Variants in COQ10B observed in about 807,000 individuals in gnomAD.
COQ10B encodes the protein coenzyme Q10B, also known as coenzyme Q-binding protein COQ10 homolog B, mitochondrial.
Under a neutral mutation model 27.6 loss-of-function variants are expected in COQ10B, and 12 were observed. The observed-to-expected ratio is 0.43, with a 90% confidence interval of 0.28 to 0.70. The LOEUF (loss-of-function observed/expected upper bound fraction) is 0.70. Among genes scored for constraint, COQ10B ranks in the 30% least tolerant of loss-of-function variants. The pLI is 0.17. For missense variants in COQ10B, 278 were observed against 288.7 expected (o/e 0.96, Z 0.27); for synonymous variants, 115 against 103.0 (o/e 1.12, Z -0.71).
At chr2:197,465,910 G>A (rs1422948794) in intron 3 of COQ10B, among the ~76,000 whole-genome samples, 4 of 152,056 alleles carry the variant, frequency 2.6e-5, no homozygotes, top group South Asian at 2.1e-4. Flanking sequence ...TGGCCAACAC[G>A]GTGAAACCCC....
chr2:197,453,719 G>A (rs554188394), intron 1 of COQ10B, 55 bp downstream of exon 1: 2 of 1,448,900 alleles, frequency 1.4e-6, no homozygotes, highest in Non-Finnish European at 1.9e-6. Context: ...TGGCTGCCGA[G>A]TTGGGGGACC....
chr2:197,468,285 GA>G (rs907825403), intron 3 of COQ10B, among the ~76,000 whole-genome samples: 47 of 151,134 alleles, frequency 3.1e-4, no homozygotes, highest in Non-Finnish European at 6.2e-4. Flanking sequence ...GTAAAAATAC[GA>G]AAAAAAATTA....
intron 3 of COQ10B, among the ~76,000 whole-genome samples, chr2:197,465,490 C>G (rs1340262256): frequency 6.6e-6 from 1 of 151,990 alleles, no homozygotes; most frequent in African/African-American, 2.4e-5. Flanking sequence ...CGGGGTTTCT[C>G]CATATTGGCC....
In COQ10B at chr2:197,474,343, A is replaced by C. The variant is rs1019642669; in HGVS notation, c.*419A>C. ...TTCAGACTATTTGTAACTTATTGTT[A>C]TAGGGCCTGCCGTATGGCTTAGGAT... On this transcript the variant is annotated 3_prime_UTR_variant, in exon 5 of 5. Coordinates refer to ENST00000263960, the MANE Select transcript of COQ10B (RefSeq NM_025147.5). 6.5e-5 allele frequency: 10 copies of C among 152,984 alleles called. No individual in the cohort carries two copies. The highest frequency in any genetic ancestry group is 1.5e-4 in the Non-Finnish European group (10 of 68,464). The allele number at this position is 152,984 out of a possible 1,614,324, so 9.5% of individuals were successfully genotyped here.
intron 1 of COQ10B, chr2:197,454,346 T>G (rs934803804): frequency 4.7e-6 from 2 of 425,072 alleles, no homozygotes; most frequent in Non-Finnish European, 8.4e-6. Context: ...CATTGTAATA[T>G]TCTTGAAAAT....
chr2:197,466,725 C>A (rs760255769), intron 3 of COQ10B, among the ~76,000 whole-genome samples: 6 of 152,078 alleles, frequency 3.9e-5, no homozygotes, highest in Non-Finnish European at 8.8e-5. Flanking sequence ...ATGATCATAG[C>A]TATCTCAATT....
chr2:197,464,946 C>T (rs955186996), intron 3 of COQ10B, among the ~76,000 whole-genome samples: 5 of 149,624 alleles, frequency 3.3e-5, no homozygotes, highest in African/African-American at 7.4e-5. Context: ...CTTCCAGTGG[C>T]GTGATCTTGG....
At chr2:197,463,934 CAAAAAAAAAAAAAAAAAA>C (rs544425623) in intron 3 of COQ10B, among the ~76,000 whole-genome samples, 3 of 13,896 alleles carry the variant, frequency 2.2e-4, no homozygotes, top group Non-Finnish European at 3.6e-4. Flanking sequence ...AACTCTGTCT[CAAAAAAAAAAAAAAAAAA>C]AAAAAAAAAA....
chr2:197,459,405 A>G (rs2085733393), intron 1 of COQ10B, among the ~76,000 whole-genome samples: 1 of 151,982 alleles, frequency 6.6e-6, no homozygotes, highest in African/African-American at 2.4e-5. Flanking sequence ...GCCTCAAGGG[A>G]TTCTCATGCA....
intron 1 of COQ10B, among the ~76,000 whole-genome samples, chr2:197,459,363 G>A (rs1049855331): frequency 2.0e-5 from 3 of 151,940 alleles, no homozygotes; most frequent in Admixed American, 6.6e-5. Context: ...AGACAGGGTC[G>A]CTATGTTGCC....
At chr2:197,458,268 A>G (rs999557719) in intron 1 of COQ10B, among the ~76,000 whole-genome samples, 1 of 152,090 alleles carries the variant, frequency 6.6e-6, no homozygotes, top group African/African-American at 2.4e-5. Context: ...AATGCTACTA[A>G]TGCCTATGTG....
intron 1 of COQ10B, among the ~76,000 whole-genome samples, chr2:197,455,306 T>C (rs1382905021): frequency 6.6e-6 from 1 of 152,076 alleles, no homozygotes; most frequent in Non-Finnish European, 1.5e-5. Flanking sequence ...GTAGTTAAGA[T>C]ACAGAATCAA....
chr2:197,470,210 G>A (rs766935875), intron 4 of COQ10B, 39 bp downstream of exon 4: 1 of 1,148,892 alleles, frequency 8.7e-7, no homozygotes, highest in South Asian at 1.3e-5. Flanking sequence ...CCACTTATGA[G>A]GTAAAATTGG....
In COQ10B at chr2:197,455,587, C is replaced by T. The variant is rs139757742; in HGVS notation, c.104+1923C>T. Among the ~76,000 whole-genome samples, 819 of 152,114 alleles carry T rather than the reference C, an allele frequency of 5.4e-3. 6 individuals are homozygous for T. Among genetic ancestry groups the T allele is most frequent in the African/African-American group, 0.018 (750 of 41,520 alleles). On this transcript the variant is annotated intron_variant, in intron 1 of 4. Transcript: ENST00000263960. ...GGCTGAGATGGGAGGATCACTTGAA[C>T]CCAGGAGGTTGAGGCTGCAGTGAGC...
In COQ10B at chr2:197,453,803, C is replaced by A. The variant is rs532215140; in HGVS notation, c.104+139C>A. ...CTTTAGAGGAGAAGGCTTTTTTTTG[C>A]GTTTGGCATCTGAGGGACTCAAGAG... On this transcript the variant is annotated intron_variant, in intron 1 of 4. Transcript: ENST00000263960. 1.2e-4 allele frequency: 125 copies of A among 1,004,944 alleles called. No homozygotes were observed. The African/African-American group carries it at 1.9e-3, about 15-fold the overall frequency. The allele number at this position is 1,004,944 out of a possible 1,614,324, so 62.3% of individuals were successfully genotyped here. A position where few individuals can be genotyped will look rare whatever the true frequency, so the allele number is the denominator to read the frequency against.
intron 1 of COQ10B, among the ~76,000 whole-genome samples, chr2:197,454,637 G>C (rs1316285354): frequency 6.6e-6 from 1 of 151,872 alleles, no homozygotes; most frequent in Non-Finnish European, 1.5e-5. Context: ...GTTTCAAGCA[G>C]AATAACGCCA....
intron 4 of COQ10B, among the ~76,000 whole-genome samples, chr2:197,471,372 G>A (rs1368979455): frequency 6.6e-6 from 1 of 151,948 alleles, no homozygotes; most frequent in Non-Finnish European, 1.5e-5. Flanking sequence ...GAACTTCTGG[G>A]CTCAGGAGAT....
chr2:197,468,966 T>C (rs887553775), intron 3 of COQ10B, among the ~76,000 whole-genome samples: 1 of 152,174 alleles, frequency 6.6e-6, no homozygotes, highest in Non-Finnish European at 1.5e-5. Flanking sequence ...ATGGTTCTGG[T>C]TACCATTTTC....
At chr2:197,461,705 A>G (rs1340262654) in intron 2 of COQ10B, among the ~76,000 whole-genome samples, 1 of 151,264 alleles carries the variant, frequency 6.6e-6, no homozygotes, top group Non-Finnish European at 1.5e-5. Flanking sequence ...CTGTGGCATG[A>G]TCTTCACTCA....
Sources: allele counts gnomAD v4.1 joint callset (sites outside exome capture counted in the v4.1 genomes callset), GRCh38; gene constraint gnomAD v4.1.1; transcripts MANE v1.5; gene names NCBI Gene and HGNC (gene_info 2026-07-23, HGNC 2026-07-21).